NEO1: variants seen among roughly 807,000 people sequenced by gnomAD.
The protein encoded by NEO1 is neogenin 1.
In NEO1, 63 loss-of-function variants were observed where a neutral mutation model predicts 159.7. The observed-to-expected ratio is 0.39, with a 90% confidence interval of 0.32 to 0.49. NEO1 has a LOEUF of 0.49. Ranked by LOEUF, NEO1 falls within the 20% of genes least tolerant of loss-of-function variation. The pLI, the probability that NEO1 is intolerant of heterozygous loss-of-function variation, is 0.85. For synonymous variants in NEO1, 633 were observed against 662.0 expected, an observed-to-expected ratio of 0.96 and a Z score of 0.67; for missense variants, 1,615 against 1,831.0, an observed-to-expected ratio of 0.88 and a Z score of 2.15.
chr15:73,235,238 A>C (rs1257117829), intron 7 of NEO1, among the ~76,000 whole-genome samples: 4 of 152,174 alleles, frequency 2.6e-5, no homozygotes, highest in Non-Finnish European at 5.9e-5. Flanking sequence ...CACGGTTTTC[A>C]TGTTTTCCTC....
chr15:73,052,450 T>A (rs1333948498), upstream of NEO1: 1 of 46,722 alleles, frequency 2.1e-5, no homozygotes, highest in Non-Finnish European at 3.9e-5. Context: ...TGACTCCCCT[T>A]CTTCGCTCTC....
chr15:73,125,870 G>A (rs1042475683), intron 3 of NEO1, among the ~76,000 whole-genome samples: 1 of 148,820 alleles, frequency 6.7e-6, no homozygotes, highest in Non-Finnish European at 1.5e-5. Flanking sequence ...CACAGATACA[G>A]GGAAGGAAAG....
chr15:73,129,525 A>G (rs2030804282), intron 4 of NEO1, among the ~76,000 whole-genome samples: 1 of 152,220 alleles, frequency 6.6e-6, no homozygotes, highest in African/African-American at 2.4e-5. Flanking sequence ...CTATATATTT[A>G]ACCTTTGATC....
At chr15:73,210,638 G>T (rs1048911944) in intron 7 of NEO1, among the ~76,000 whole-genome samples, 4 of 152,172 alleles carry the variant, frequency 2.6e-5, no homozygotes, top group Non-Finnish European at 5.9e-5. Flanking sequence ...AGCTTGTTAG[G>T]TGTAGCCTTG....
At chr15:73,114,360 A>G (rs1319244715) in intron 1 of NEO1, among the ~76,000 whole-genome samples, 1 of 152,210 alleles carries the variant, frequency 6.6e-6, no homozygotes, top group East Asian at 1.9e-4. Flanking sequence ...AGGCAACGGC[A>G]AGCCTTTGAG....
At chr15:73,241,015 GCCACTACCTGCATTTACAAATTCAC>G (rs1232671012) in intron 8 of NEO1, among the ~76,000 whole-genome samples, 1 of 152,138 alleles carries the variant, frequency 6.6e-6, no homozygotes, top group Non-Finnish European at 1.5e-5. Flanking sequence ...GAGAATGTAT[GCCACTACCTGCATTTACAAATTCAC>G]CCACTTCCTG....
At chr15:73,244,963 A>G (rs2039689774) in intron 9 of NEO1, among the ~76,000 whole-genome samples, 1 of 142,038 alleles carries the variant, frequency 7.0e-6, no homozygotes, top group Non-Finnish European at 1.5e-5. Context: ...TCAAAAAAAA[A>G]AAAAAAAAAA....
chr15:73,249,086 C>G lies in NEO1; in HGVS notation c.1633C>G (p.Leu545Val). 1 of 1,614,050 alleles carries G rather than the reference C, an allele frequency of 6.2e-7. No homozygotes were observed. The highest frequency in any genetic ancestry group is 1.1e-5 in the South Asian group (1 of 91,064). Residue 545 changes from leucine to valine, a missense_variant, in exon 10 of 29, where the codon CTT becomes GTT. By Grantham distance (32) the Leu-to-Val change is conservative. Around this residue, in one of 3 missense-constraint regions of NEO1, gnomAD observed 1,018 missense variants for 1,115.4 expected, o/e 0.91. Transcript: ENST00000261908. ...TCAGCTCCCTGGCCCAGCACCTAACCTTCGTGCATATGCAGCTTCGCCTAC... is the reference window on the plus strand; with the variant it reads ...TCAGCTCCCTGGCCCAGCACCTAACGTTCGTGCATATGCAGCTTCGCCTAC... ...EVQLPGPAPN[L>V]RAYAASPTSI... is the part of the protein sequence containing the mutation.
intron 9 of NEO1, among the ~76,000 whole-genome samples, chr15:73,246,582 G>A (rs2039807756): frequency 6.6e-6 from 1 of 152,178 alleles, no homozygotes; most frequent in African/African-American, 2.4e-5. Context: ...TGGCCTTGAG[G>A]CATTTGACTT....
chr15:73,270,403 C>T lies in NEO1; in HGVS notation c.2806C>T (p.Arg936Ter). Reference protein sequence around the residue: ...YEFSVMVTKGRRSSTWSMTAH... With the variant: ...YEFSVMVTKG ...ATTCTCTGTGATGGTGACCAAAGGTCGAAGATCAAGTACATGGAGTATGAC... is the reference window on the plus strand; with the variant it reads ...ATTCTCTGTGATGGTGACCAAAGGTTGAAGATCAAGTACATGGAGTATGAC... The change falls in exon 18 of 29, where the codon CGA becomes TGA. Residue 936 changes from arginine (R) to a stop codon, truncating the protein, a stop_gained. Transcript: ENST00000261908. LOFTEE classifies it high-confidence loss of function. 1 of 1,614,044 alleles carries T rather than the reference C, an allele frequency of 6.2e-7. No homozygotes were observed. Among genetic ancestry groups the T allele is most frequent in the Non-Finnish European group, 8.5e-7 (1 of 1,180,026 alleles).
chr15:73,052,162 G>T (rs1036431640), upstream of NEO1, among the ~76,000 whole-genome samples: 1 of 149,652 alleles, frequency 6.7e-6, no homozygotes, highest in African/African-American at 2.4e-5. Flanking sequence ...CGGCTCCGGG[G>T]AGAAGGGGGA....
At chr15:73,066,825 C>T (rs1266764930) in intron 1 of NEO1, among the ~76,000 whole-genome samples, 3 of 152,190 alleles carry the variant, frequency 2.0e-5, no homozygotes, top group Non-Finnish European at 2.9e-5. Context: ...GCCTCTTCAG[C>T]AGTAGCCTTT....
At chr15:73,101,875 G>C (rs1399713463) in intron 1 of NEO1, among the ~76,000 whole-genome samples, 1 of 152,054 alleles carries the variant, frequency 6.6e-6, no homozygotes, top group African/African-American at 2.4e-5. Context: ...CTATTGCAAA[G>C]AATATAGAAG....
chr15:73,251,018 G>A (rs2040039417), intron 11 of NEO1, among the ~76,000 whole-genome samples: 2 of 152,286 alleles, frequency 1.3e-5, no homozygotes, highest in East Asian at 3.9e-4. Flanking sequence ...GAATTTTGGA[G>A]TGAAGTATGA....
At chr15:73,232,383 A>G (rs1408499535) in intron 7 of NEO1, among the ~76,000 whole-genome samples, 1 of 152,216 alleles carries the variant, frequency 6.6e-6, no homozygotes, top group Non-Finnish European at 1.5e-5. Flanking sequence ...TGAACCAAAG[A>G]TTAGTCAGCA....
chr15:73,182,089 G>A (rs2035644983), intron 7 of NEO1, among the ~76,000 whole-genome samples: 1 of 151,970 alleles, frequency 6.6e-6, no homozygotes, highest in African/African-American at 2.4e-5. Flanking sequence ...CAGGCAAAGA[G>A]AGAGCTTGTG....
Position 73,258,797 on chromosome 15 carries a change from A to C in NEO1, c.2124A>C (p.Arg708=), listed in dbSNP as rs200082075. The change falls in exon 14 of 29, where the codon CGA becomes CGC. Residue 708 remains arginine, a synonymous_variant. Coordinates refer to ENST00000261908, the MANE Select transcript of NEO1 (RefSeq NM_002499.4). ...GLDRGTEYNF[R]VAALTINGTG... ...ATCGGGGGACTGAGTATAATTTCCG[A>C]GTGGCTGCTCTAACAATCAATGGTA... is the stretch of plus-strand genomic sequence containing the variant. 19 of 1,613,894 alleles carry C rather than the reference A, an allele frequency of 1.2e-5. 2 individuals carry two copies. In the East Asian group the frequency reaches 3.1e-4, roughly 27 times the overall value.
chr15:73,251,161 C>T (rs570684487), intron 11 of NEO1, among the ~76,000 whole-genome samples: 6 of 152,154 alleles, frequency 3.9e-5, no homozygotes, highest in African/African-American at 1.4e-4. Flanking sequence ...AAAGAACAGC[C>T]ATTCATTGTA....
At chr15:73,247,344 A>G (rs1367438819) in intron 9 of NEO1, among the ~76,000 whole-genome samples, 1 of 152,222 alleles carries the variant, frequency 6.6e-6, no homozygotes, top group African/African-American at 2.4e-5. Context: ...GAAAGAATTC[A>G]TTAGCACCTT....
Sources: gnomAD v4.1 joint callset for allele counts (sites outside exome capture counted in the v4.1 genomes callset) on GRCh38, gnomAD v4.1.1 for gene constraint, gnomAD v4.1.1 regional missense constraint, MANE v1.5 for transcripts, NCBI Gene and HGNC (gene_info 2026-07-23, HGNC 2026-07-21) for gene names.